KIF18A: variants seen among roughly 807,000 people sequenced by gnomAD.
KIF18A encodes kinesin family member 18A, also known as kinesin-like protein KIF18A.
KIF18A carries 67 observed loss-of-function variants against 103.3 expected under a neutral mutation model. The ratio of observed to expected loss-of-function variants is 0.65; its 90% CI spans 0.53 to 0.79. The LOEUF (loss-of-function observed/expected upper bound fraction) is 0.79, where lower values mean the gene tolerates loss of function less well. Ranked by LOEUF, KIF18A falls within the 30% of genes least tolerant of loss-of-function variation. KIF18A has a pLI of 0.00. For synonymous variants in KIF18A, 367 were observed against 355.5 expected, an observed-to-expected ratio of 1.03 and a Z score of -0.36; for missense variants, 1,032 against 1,062.5, an observed-to-expected ratio of 0.97 and a Z score of 0.40.
At chr11:28,054,212 A>ATT (rs869284032) in intron 13 of KIF18A, among the ~76,000 whole-genome samples, 5 of 143,980 alleles carry the variant, frequency 3.5e-5, no homozygotes, top group African/African-American at 5.1e-5. Flanking sequence ...ATCTCATCAG[A>ATT]TTTTTTTTTT....
At chr11:28,080,325 T>C (rs1851148681) in intron 9 of KIF18A, among the ~76,000 whole-genome samples, 1 of 151,664 alleles carries the variant, frequency 6.6e-6, no homozygotes, top group Non-Finnish European at 1.5e-5. Flanking sequence ...GCATACCTTG[T>C]TTTATTGTGC....
chr11:28,090,562 T>C, intron 5 of KIF18A, 55 bp downstream of exon 5: 2 of 974,728 alleles, frequency 2.1e-6, no homozygotes, highest in East Asian at 2.4e-5. Context: ...TTCATGAATT[T>C]AGCTTCATTT....
At chr11:28,050,867 A>G (rs757428249) in intron 13 of KIF18A, among the ~76,000 whole-genome samples, 2 of 151,914 alleles carry the variant, frequency 1.3e-5, no homozygotes, top group Non-Finnish European at 2.9e-5. Context: ...TCAAATAAAT[A>G]TCTATTCAAA....
intron 13 of KIF18A, among the ~76,000 whole-genome samples, chr11:28,042,587 T>A (rs1312690527): frequency 6.6e-6 from 1 of 151,926 alleles, no homozygotes; most frequent in Non-Finnish European, 1.5e-5. Context: ...AGAATATACA[T>A]ATTAGAATCT....
chr11:28,057,123 C>G (rs1372697824), intron 13 of KIF18A, among the ~76,000 whole-genome samples: 2 of 151,860 alleles, frequency 1.3e-5, no homozygotes, highest in Non-Finnish European at 2.9e-5. Context: ...CCCTCAAACC[C>G]ATAACAAATA....
At chr11:28,058,623 C>A (rs1220737785) in intron 13 of KIF18A, among the ~76,000 whole-genome samples, 2 of 134,022 alleles carry the variant, frequency 1.5e-5, no homozygotes, top group African/African-American at 5.6e-5. Flanking sequence ...GATTGCACCA[C>A]TGGACTCCAG....
At chr11:28,080,927 A>G (rs1851157766) in intron 9 of KIF18A, among the ~76,000 whole-genome samples, 1 of 152,202 alleles carries the variant, frequency 6.6e-6, no homozygotes, top group Non-Finnish European at 1.5e-5. Flanking sequence ...AAGAAAGTGA[A>G]ACAGCCTTAT....
intron 10 of KIF18A, among the ~76,000 whole-genome samples, chr11:28,075,120 T>C (rs2133544837): frequency 6.6e-6 from 1 of 152,332 alleles, no homozygotes; most frequent in Admixed American, 6.5e-5. Flanking sequence ...TATCTCCTTC[T>C]GAAATGCCTA....
chr11:28,026,395 A>G (rs1241544763), intron 15 of KIF18A, among the ~76,000 whole-genome samples: 1 of 151,804 alleles, frequency 6.6e-6, no homozygotes, highest in Non-Finnish European at 1.5e-5. Flanking sequence ...AGCGCATGTA[A>G]CTTTAATTGG....
chr11:28,041,557 G>A (rs571282895), intron 13 of KIF18A, among the ~76,000 whole-genome samples: 24 of 151,798 alleles, frequency 1.6e-4, no homozygotes, highest in Non-Finnish European at 1.5e-5. Context: ...ACAAGACAAG[G>A]GTTTTTATTT....
intron 13 of KIF18A, among the ~76,000 whole-genome samples, chr11:28,039,479 G>GTCAT (rs1228497338): frequency 6.6e-6 from 1 of 151,678 alleles, no homozygotes; most frequent in Non-Finnish European, 1.5e-5. Flanking sequence ...GAATTATAGA[G>GTCAT]TCATTATTTT....
chr11:28,090,924 T>C (rs1851291915), intron 4 of KIF18A, among the ~76,000 whole-genome samples, 197 bp from the exon 5 acceptor site: 1 of 152,094 alleles, frequency 6.6e-6, no homozygotes, highest in Admixed American at 6.6e-5. Flanking sequence ...TAAAATCTAG[T>C]TTCTCAGGAG....
chr11:28,067,505 T>C (rs1850949623), intron 11 of KIF18A, among the ~76,000 whole-genome samples: 1 of 152,144 alleles, frequency 6.6e-6, no homozygotes, highest in Middle Eastern at 3.2e-3. Context: ...TTTACAGCCA[T>C]TGCTAGCCCA....
chr11:28,075,664 G>A (rs1186122958), intron 10 of KIF18A, among the ~76,000 whole-genome samples: 1 of 151,914 alleles, frequency 6.6e-6, no homozygotes, highest in Non-Finnish European at 1.5e-5. Context: ...TGTCATATTT[G>A]CTAAGAGTAC....
Position 28,058,947 on chromosome 11 carries a change from G to A in KIF18A, c.1927C>T (p.Pro643Ser), listed in dbSNP as rs770184676. 8 of 1,613,882 alleles carry A rather than the reference G, an allele frequency of 5.0e-6. No homozygotes were observed. The South Asian group carries it at 5.5e-5, about 11-fold the overall frequency. ...SVLMTFPQLGPVQPIPCCSSS... is the reference protein window; with the variant it reads ...SVLMTFPQLGSVQPIPCCSSS... ...TTACAACAAGGAATAGGCTGAACTG[G>A]TCCAAGTTGTGGAAAGGTCATAAGA... The change falls in exon 13 of 17, where the codon CCA becomes TCA. Residue 643 changes from proline to serine, a missense_variant. By Grantham distance (74) the Pro-to-Ser change is moderately conservative. Transcript: ENST00000263181.
At chr11:28,099,778 A>C (rs1436437408) in intron 1 of KIF18A, among the ~76,000 whole-genome samples, 1 of 152,098 alleles carries the variant, frequency 6.6e-6, no homozygotes, top group African/African-American at 2.4e-5. Flanking sequence ...GAGTGTAGTA[A>C]GACATGAGAG....
intron 6 of KIF18A, among the ~76,000 whole-genome samples, chr11:28,088,062 C>T (rs1359298925): frequency 6.6e-6 from 1 of 151,816 alleles, no homozygotes; most frequent in African/African-American, 2.4e-5. Flanking sequence ...GATTTCATGA[C>T]ATTTTATAAC....
At chr11:28,073,697 G>GT (rs1308279492) in intron 10 of KIF18A, among the ~76,000 whole-genome samples, 1 of 152,060 alleles carries the variant, frequency 6.6e-6, no homozygotes, top group African/African-American at 2.4e-5. Flanking sequence ...AATATCAGCT[G>GT]TTTTTATTAT....
At chr11:28,027,793 T>G (rs867401972) in intron 15 of KIF18A, among the ~76,000 whole-genome samples, 10 of 151,954 alleles carry the variant, frequency 6.6e-5, no homozygotes, top group Non-Finnish European at 1.3e-4. Flanking sequence ...ATACCAATCT[T>G]ACTCAAACTA....
Sources: allele counts gnomAD v4.1 joint callset (sites outside exome capture counted in the v4.1 genomes callset), GRCh38; gene constraint gnomAD v4.1.1; transcripts MANE v1.5; gene names NCBI Gene and HGNC (gene_info 2026-07-23, HGNC 2026-07-21).